The following HMGA2 variants were observed in gnomAD, a reference collection of about 807,000 sequenced individuals.
HMGA2 encodes the protein high mobility group protein HMGI-C.
HMGA2 carries 8 observed loss-of-function variants against 19.1 expected under a neutral mutation model. The ratio of observed to expected loss-of-function variants is 0.42; its 90% CI spans 0.25 to 0.76. The LOEUF is 0.76. Ranked by LOEUF, HMGA2 falls within the 30% of genes least tolerant of loss-of-function variation. HMGA2 has a pLI of 0.28. For missense variants in HMGA2, 109 were observed against 136.3 expected (o/e 0.80, Z 1.00); for synonymous variants, 60 against 48.8 (o/e 1.23, Z -0.96).
chr12:65,899,189 T>A (rs951894434), intron 3 of HMGA2, among the ~76,000 whole-genome samples: 1 of 152,138 alleles, frequency 6.6e-6, no homozygotes, highest in Non-Finnish European at 1.5e-5. Context: ...TCTGGTCAGT[T>A]TATAACTCGT....
At chr12:65,842,218 A>G (rs1407479912) in intron 3 of HMGA2, 3 of 726,558 alleles carry the variant, frequency 4.1e-6, no homozygotes, top group South Asian at 1.4e-5. Context: ...AGAAAATCAC[A>G]TGACCTTTAA....
chr12:65,898,428 C>G (rs976631407), intron 3 of HMGA2, among the ~76,000 whole-genome samples: 1 of 152,110 alleles, frequency 6.6e-6, no homozygotes, highest in Admixed American at 6.5e-5. Context: ...TTCCCAGCCT[C>G]AAGGAAATCT....
intron 2 of HMGA2, among the ~76,000 whole-genome samples, chr12:65,832,417 T>G (rs187961798): frequency 6.6e-6 from 1 of 152,142 alleles, no homozygotes; most frequent in African/African-American, 2.4e-5. Context: ...TGACCTACAT[T>G]CCTGGCTCAT....
At chr12:65,853,119 T>C (rs1871558918) in intron 3 of HMGA2, among the ~76,000 whole-genome samples, 2 of 152,058 alleles carry the variant, frequency 1.3e-5, no homozygotes, top group Admixed American at 1.3e-4. Context: ...TGTGGGGAAC[T>C]GGGAGTGTGG....
Position 65,963,576 on chromosome 12 carries a change from T to G in HMGA2, c.*284T>G. ...TAACAATGCAACTTTTAATTACTGT[T>G]TTCTTTTTTCTTAACCTACTAATAG... On this transcript the variant is annotated 3_prime_UTR_variant, in exon 5 of 5. Transcript: ENST00000403681. The G allele has an allele frequency of 2.2e-6, 1 of 461,676 alleles. No homozygotes were observed. Among genetic ancestry groups the G allele is most frequent in the East Asian group, 4.0e-5 (1 of 24,724 alleles). The allele number at this position is 461,676 out of a possible 1,614,324, so 28.6% of individuals were successfully genotyped here.
At chr12:65,866,739 A>C in intron 3 of HMGA2, 2 of 444,106 alleles carry the variant, frequency 4.5e-6, no homozygotes, top group South Asian at 1.6e-5. Context: ...GGCAGTTATT[A>C]ATGTGAATAG....
At position 65,825,300 on chromosome 12, in the gene HMGA2, G is replaced by C. The variant is rs1240728249; in HGVS notation, c.30G>C (p.Gln10His). 6.5e-7 allele frequency: 1 copy of C among 1,535,002 alleles called. No homozygotes were observed. The highest frequency in any genetic ancestry group is 8.7e-7 in the Non-Finnish European group (1 of 1,144,760). MSARGEGAG[Q>H]PSTSAQGQPA... ...GCGCACGCGGTGAGGGCGCGGGGCA[G>C]CCGTCCACTTCAGCCCAGGGACAAC... The change falls in exon 1 of 5, where the codon CAG (glutamine) becomes CAC (histidine). Residue 10 changes from glutamine (Q) to histidine (H), a missense_variant. Gln to His is a conservative substitution (Grantham distance 24). Coordinates refer to ENST00000403681, the MANE Select transcript of HMGA2 (RefSeq NM_003483.6). This position sits in a 1 kb window ranked among gnomAD's most constrained non-coding sequence, Gnocchi z 4.4.
intron 2 of HMGA2, among the ~76,000 whole-genome samples, chr12:65,837,179 A>G (rs913477381): frequency 6.6e-6 from 1 of 152,218 alleles, no homozygotes; most frequent in African/African-American, 2.4e-5. Context: ...TAAATGCTCA[A>G]TATTTGTGAG....
In HMGA2 at chr12:65,885,587, G is replaced by A. The variant is rs549597432; in HGVS notation, c.249+47018G>A. 2.6e-5 allele frequency among the ~76,000 whole-genome samples: 4 copies of A among 152,280 alleles called. No individual in the cohort carries two copies. In the South Asian group the frequency reaches 8.3e-4, roughly 32 times the overall value. ...CTAGCAGCCCTGGTGATAGCATCTGGAATGTGTGCAGTCCCTGGGAACAAA... is the reference window on the plus strand; with the variant it reads ...CTAGCAGCCCTGGTGATAGCATCTGAAATGTGTGCAGTCCCTGGGAACAAA... On this transcript the variant is annotated intron_variant, in intron 3 of 4. Transcript: ENST00000403681.
rs1352139186 is a variant in HMGA2 at position 65,825,543 on chromosome 12, G to A, written c.111+162G>A. On this transcript the variant is annotated intron_variant, in intron 1 of 4. Transcript: ENST00000403681. This position sits in a 1 kb window ranked among gnomAD's most constrained non-coding sequence, Gnocchi z 4.4. Reference sequence around the variant, plus strand: ...GCGGCGCAGACCCCACGAGTGCGCCGCGCGGCCCCGGGGCGCCAGCAACCC... The same window carrying A: ...GCGGCGCAGACCCCACGAGTGCGCCACGCGGCCCCGGGGCGCCAGCAACCC... Among the ~76,000 whole-genome samples the A allele has an allele frequency of 6.6e-6, 1 of 150,438 alleles. No individual in the cohort carries two copies. Among genetic ancestry groups the A allele is most frequent in the Non-Finnish European group, 1.5e-5 (1 of 67,556 alleles).
chr12:65,947,503 C>T (rs1047857769), intron 3 of HMGA2, among the ~76,000 whole-genome samples: 3 of 152,172 alleles, frequency 2.0e-5, no homozygotes, highest in African/African-American at 7.2e-5. Context: ...AGGAAGCTCT[C>T]TTTCACCCCA....
intron 3 of HMGA2, among the ~76,000 whole-genome samples, chr12:65,927,304 C>T (rs1189682287): frequency 1.3e-5 from 2 of 152,154 alleles, no homozygotes; most frequent in Admixed American, 6.5e-5. Context: ...GAGCTACCAT[C>T]CACGGCCATA....
intron 3 of HMGA2, among the ~76,000 whole-genome samples, chr12:65,891,100 T>C (rs951258862): frequency 1.3e-5 from 2 of 152,198 alleles, no homozygotes; most frequent in African/African-American, 2.4e-5. Context: ...CTTTCATCCA[T>C]TGGAACCAGT....
At chr12:65,852,137 A>C (rs1871505844) in intron 3 of HMGA2, among the ~76,000 whole-genome samples, 1 of 152,022 alleles carries the variant, frequency 6.6e-6, no homozygotes, top group Non-Finnish European at 1.5e-5. Flanking sequence ...TAATTTGTAC[A>C]AATAATTTGT....
chr12:65,863,677 T>G (rs1165235146), intron 3 of HMGA2, among the ~76,000 whole-genome samples: 1 of 152,334 alleles, frequency 6.6e-6, no homozygotes, highest in South Asian at 2.1e-4. Context: ...GGTTTTCCCA[T>G]GGACAGGATC....
intron 3 of HMGA2, chr12:65,874,288 G>A (rs1217520262): frequency 3.3e-5 from 5 of 151,302 alleles, no homozygotes. Context: ...ATAGATATAT[G>A]TAATACACAG....
rs1009242998 is a variant in HMGA2 at position 65,951,334 on chromosome 12, T to C, written c.250-49T>C. On this transcript the variant is annotated intron_variant, in intron 3 of 4. Coordinates refer to ENST00000403681, the MANE Select transcript of HMGA2 (RefSeq NM_003483.6). Reference sequence around the variant, plus strand: ...TAAAATATGTACACCTAATTTTTTCTATAATGTATATTTTCTTTTAAAATA... The same window carrying C: ...TAAAATATGTACACCTAATTTTTTCCATAATGTATATTTTCTTTTAAAATA... The C allele has an allele frequency of 1.4e-5, 17 of 1,201,228 alleles. No individual in the cohort carries two copies. The Admixed American group carries it at 3.6e-4, about 25-fold the overall frequency. The allele number at this position is 1,201,228 out of a possible 1,614,324, so 74.4% of individuals were successfully genotyped here.
At chr12:65,907,050 A>G (rs1478833618) in intron 3 of HMGA2, among the ~76,000 whole-genome samples, 2 of 152,142 alleles carry the variant, frequency 1.3e-5, no homozygotes, top group Non-Finnish European at 2.9e-5. Flanking sequence ...GTGTATGGGC[A>G]TTCCCTGTAC....
Position 65,873,531 on chromosome 12 carries a change from G to A in HMGA2, c.249+34962G>A, listed in dbSNP as rs963153938. On this transcript the variant is annotated intron_variant, in intron 3 of 4. Transcript: ENST00000403681. ...AGAAGGAAAAGAGGAGAGATGTCCA[G>A]TGTCACTATTAGTGAACCACATATA... 6.4e-4 allele frequency among the ~76,000 whole-genome samples: 97 copies of A among 152,172 alleles called. 1 individual carries two copies. Among genetic ancestry groups the A allele is most frequent in the African/African-American group, 2.3e-3 (95 of 41,432 alleles).
Sources: allele counts gnomAD v4.1 joint callset (sites outside exome capture counted in the v4.1 genomes callset), GRCh38; gene constraint gnomAD v4.1.1; non-coding constraint Gnocchi (gnomAD v3.1); transcripts MANE v1.5; gene names NCBI Gene and HGNC (gene_info 2026-07-23, HGNC 2026-07-21).